PDS5A: variants seen among roughly 807,000 people sequenced by gnomAD.
PDS5A encodes the protein sister chromatid cohesion protein PDS5 homolog A.
Under a neutral mutation model 167.1 loss-of-function variants are expected in PDS5A, and 42 were observed. That is an observed-to-expected ratio of 0.25 (90% CI 0.20 to 0.33). The LOEUF (loss-of-function observed/expected upper bound fraction) is 0.33. PDS5A is among the 10% of genes least tolerant of loss of function. The pLI is 1.00. For missense variants in PDS5A, 1,033 were observed against 1,605.9 expected (o/e 0.64, Z 6.10); for synonymous variants, 553 against 554.6 (o/e 1.00, Z 0.04).
chr4:39,958,332 C>T (rs986131183), intron 2 of PDS5A, among the ~76,000 whole-genome samples: 35 of 151,794 alleles, frequency 2.3e-4, no homozygotes, highest in Non-Finnish European at 4.4e-5. Context: ...CATGGTGAAA[C>T]CCCGCCTCTA....
intron 16 of PDS5A, among the ~76,000 whole-genome samples, chr4:39,897,544 A>G (rs1168920395): frequency 6.6e-6 from 1 of 152,064 alleles, no homozygotes; most frequent in Non-Finnish European, 1.5e-5. Flanking sequence ...GATTACAGGC[A>G]TGTACCACCA....
At position 39,927,969 on chromosome 4, in the gene PDS5A, T is replaced by G. The variant is rs760851205; in HGVS notation, c.334A>C (p.Lys112Gln). The G allele has an allele frequency of 6.2e-7, 1 of 1,611,000 alleles. No homozygotes were observed. Among genetic ancestry groups the G allele is most frequent in the Non-Finnish European group, 8.5e-7 (1 of 1,177,242 alleles). ...APEAPYTSHDKLKDIFLFITR... is the reference protein window; with the variant it reads ...APEAPYTSHDQLKDIFLFITR... ...AAAAAGGCTGTATTTACCTTAAGTT[T>G]ATCATGGGAAGTATATGGAGCTTCT... is the stretch of plus-strand genomic sequence containing the variant. The change falls in exon 3 of 33, where the codon AAA becomes CAA. Residue 112 changes from lysine (K) to glutamine (Q), a missense_variant. Coordinates refer to ENST00000303538, the MANE Select transcript of PDS5A (RefSeq NM_001100399.2).
chr4:39,909,085 TAAAATAAAA>T (rs1263968326), intron 10 of PDS5A, among the ~76,000 whole-genome samples: 9 of 149,672 alleles, frequency 6.0e-5, no homozygotes, highest in African/African-American at 1.7e-4. Flanking sequence ...TAAAATAAAA[TAAAATAAAA>T]TACTTCACAG....
At chr4:39,882,237 G>A (rs902581575) in intron 17 of PDS5A, among the ~76,000 whole-genome samples, 16 of 152,236 alleles carry the variant, frequency 1.1e-4, no homozygotes, top group South Asian at 6.2e-4. Flanking sequence ...CTTATTTACC[G>A]TCTTAACTAG....
intron 26 of PDS5A, among the ~76,000 whole-genome samples, chr4:39,858,210 A>C (rs1368601482): frequency 6.6e-6 from 1 of 152,204 alleles, no homozygotes; most frequent in East Asian, 1.9e-4. Flanking sequence ...AGTACAATGG[A>C]ATTTTTTAGA....
chr4:39,966,689 A>T (rs1344221211), intron 2 of PDS5A, among the ~76,000 whole-genome samples: 2 of 152,132 alleles, frequency 1.3e-5, no homozygotes, highest in Non-Finnish European at 2.9e-5. Context: ...CAGATAGTTA[A>T]GAGAGGAATA....
chr4:39,930,246 A>AT, intron 2 of PDS5A, among the ~76,000 whole-genome samples: 12 of 93,160 alleles, frequency 1.3e-4, no homozygotes, highest in African/African-American at 1.5e-4. Flanking sequence ...AAAAAAAAAA[A>AT]GTTTTTTTGT....
intron 2 of PDS5A, among the ~76,000 whole-genome samples, chr4:39,952,206 CTG>C (rs1728473317): frequency 6.6e-6 from 1 of 152,076 alleles, no homozygotes; most frequent in African/African-American, 2.4e-5. Context: ...TGGCATGTGC[CTG>C]TAGTCCCAGC....
intron 2 of PDS5A, among the ~76,000 whole-genome samples, chr4:39,974,905 G>A (rs1730934109): frequency 6.6e-6 from 1 of 152,082 alleles, no homozygotes; most frequent in Non-Finnish European, 1.5e-5. Context: ...GAAGTCAGGA[G>A]ATCGAGACCA....
intron 16 of PDS5A, among the ~76,000 whole-genome samples, chr4:39,894,418 GA>G (rs1313265372): frequency 3.3e-5 from 5 of 149,444 alleles, no homozygotes; most frequent in African/African-American, 7.3e-5. Flanking sequence ...AAAAAAAAAA[GA>G]AAAAAATAAG....
At position 39,890,433 on chromosome 4, in the gene PDS5A, A is replaced by C; in HGVS notation, c.1771-69T>G. ...ATATTTTTGAAAAGAAAAATGACTA[A>C]GGAACTGAAATATTCAAAACCAGCA... On this transcript the variant is annotated intron_variant, in intron 16 of 32. Coordinates refer to ENST00000303538, the MANE Select transcript of PDS5A (RefSeq NM_001100399.2). 3.6e-6 allele frequency: 3 copies of C among 837,630 alleles called. No individual in the cohort carries two copies. The South Asian group carries it at 4.6e-5, about 13-fold the overall frequency. 51.9% of individuals were successfully genotyped at this position (837,630 alleles called of 1,614,324 possible). A position where few individuals can be genotyped will look rare whatever the true frequency, so the allele number is the denominator to read the frequency against.
At chr4:39,940,892 A>G (rs1156400897) in intron 2 of PDS5A, among the ~76,000 whole-genome samples, 1 of 152,174 alleles carries the variant, frequency 6.6e-6, no homozygotes, top group Non-Finnish European at 1.5e-5. Flanking sequence ...GCTGACTCAA[A>G]CTTCTAGGCT....
At chr4:39,874,202 T>C in intron 20 of PDS5A, 87 bp downstream of exon 20, 1 of 1,145,804 alleles carries the variant, frequency 8.7e-7, no homozygotes, top group Non-Finnish European at 1.3e-6. Context: ...TATAAACAGC[T>C]TTAAAAAATC....
intron 17 of PDS5A, among the ~76,000 whole-genome samples, chr4:39,886,436 G>T (rs1203940185): frequency 6.6e-6 from 1 of 151,858 alleles, no homozygotes; most frequent in African/African-American, 2.4e-5. Flanking sequence ...GATTTTGGCC[G>T]GGCGGGGTGG....
intron 2 of PDS5A, 74 bp downstream of exon 2, chr4:39,976,366 G>A (rs1463653197): frequency 7.6e-7 from 1 of 1,319,330 alleles, no homozygotes; most frequent in Non-Finnish European, 1.1e-6. Context: ...TTAAAGGCCA[G>A]ACTGAGCAGG....
At chr4:39,872,022 C>G (rs146328640) in intron 21 of PDS5A, among the ~76,000 whole-genome samples, 1 of 152,120 alleles carries the variant, frequency 6.6e-6, no homozygotes, top group Non-Finnish European at 1.5e-5. Flanking sequence ...GACTCTTAAT[C>G]AAGGTGTGTT....
At chr4:39,935,723 A>G (rs899964022) in intron 2 of PDS5A, among the ~76,000 whole-genome samples, 2 of 152,252 alleles carry the variant, frequency 1.3e-5, no homozygotes, top group Non-Finnish European at 2.9e-5. Context: ...CCAACTCAAC[A>G]TAAAAATGAG....
Position 39,900,505 on chromosome 4 carries a change from G to C in PDS5A, c.1502C>G (p.Ala501Gly). The change falls in exon 14 of 33, where the codon GCT becomes GGT. Residue 501 changes from alanine to glycine, a missense_variant and splice_region_variant. Physicochemically the swap from Ala to Gly is moderately conservative, Grantham distance 60. Around this residue, in one of 4 missense-constraint regions of PDS5A, gnomAD observed 388 missense variants for 615.1 expected, o/e 0.63. Transcript: ENST00000303538. ...YASLDPNAVK[A>G]LNEMWKCQNM... ...CTGACACTTCCACATTTCGTTGAGA[G>C]CTCTGTAAAGTTATGAATATGAAAA... The C allele has an allele frequency of 6.4e-7, 1 of 1,561,580 alleles. No homozygotes were observed. Among genetic ancestry groups the C allele is most frequent in the Non-Finnish European group, 8.7e-7 (1 of 1,147,176 alleles).
chr4:39,878,340 A>G (rs1278906792), intron 18 of PDS5A, among the ~76,000 whole-genome samples: 1 of 152,188 alleles, frequency 6.6e-6, no homozygotes, highest in African/African-American at 2.4e-5. Flanking sequence ...TCACGTCTGT[A>G]ATCCCAGCAC....
Sources: gnomAD v4.1 joint callset for allele counts (sites outside exome capture counted in the v4.1 genomes callset) on GRCh38, gnomAD v4.1.1 for gene constraint, gnomAD v4.1.1 regional missense constraint, MANE v1.5 for transcripts, NCBI Gene and HGNC (gene_info 2026-07-23, HGNC 2026-07-21) for gene names.